Variants in RTN4 observed in about 807,000 individuals in gnomAD.
The protein encoded by RTN4 is reticulon 4.
RTN4 carries 32 observed loss-of-function variants against 90.4 expected under a neutral mutation model. The ratio of observed to expected loss-of-function variants is 0.35; its 90% CI spans 0.27 to 0.48. The LOEUF (loss-of-function observed/expected upper bound fraction) is 0.48, where lower values mean the gene tolerates loss of function less well. RTN4 is among the 20% of genes least tolerant of loss of function. RTN4 has a pLI of 0.99. For missense variants in RTN4, 1,706 were observed against 1,430.2 expected, an observed-to-expected ratio of 1.19 and a Z score of -3.11; for synonymous variants, 629 against 552.5, an observed-to-expected ratio of 1.14 and a Z score of -1.94.
exon 2 of RTN4, chr2:55,080,611 A>G (rs1413809659): frequency 6.6e-6 from 1 of 152,154 alleles, no homozygotes; most frequent in Admixed American, 6.5e-5. Flanking sequence ...CATATCCAGA[A>G]TAGTCTTGTT....
intron 7 of RTN4, 83 bp from the exon 8 acceptor site, chr2:54,973,704 A>G (rs1415701862): frequency 6.7e-7 from 1 of 1,492,116 alleles, no homozygotes; most frequent in Non-Finnish European, 9.3e-7. Flanking sequence ...AAGGCTTAAG[A>G]AACCATCACA....
intron 2 of RTN4, among the ~76,000 whole-genome samples, chr2:55,079,256 G>T (rs140332468): frequency 6.6e-6 from 1 of 152,216 alleles, no homozygotes; most frequent in Non-Finnish European, 1.5e-5. Context: ...GAAGCAAAAA[G>T]TTATAACAGT....
chr2:55,080,910 T>A (rs1232059605), intron 1 of RTN4, among the ~76,000 whole-genome samples: 1 of 152,248 alleles, frequency 6.6e-6, no homozygotes, highest in African/African-American at 2.4e-5. Flanking sequence ...GCGCAATCTT[T>A]ATCTTTTGAA....
At chr2:55,077,756 T>TACACAC (rs200121610) in intron 2 of RTN4, among the ~76,000 whole-genome samples, 19,031 of 144,292 alleles carry the variant, frequency 0.13, 1,356 homozygotes, top group Non-Finnish European at 0.16. Context: ...AAATGTTTTA[T>TACACAC]ACACACACAC....
the RTN4 span, among the ~76,000 whole-genome samples, chr2:55,118,586 G>A: frequency 5.3e-5 from 8 of 150,004 alleles, no homozygotes; most frequent in African/African-American, 1.7e-4. Flanking sequence ...AATCCTCCCT[G>A]CCCCCCAAAA....
At chr2:54,988,209 C>T (rs962972826) in intron 3 of RTN4, among the ~76,000 whole-genome samples, 14 of 151,978 alleles carry the variant, frequency 9.2e-5, no homozygotes, top group African/African-American at 1.9e-4. Context: ...TCCAGCTACT[C>T]GGGAGGCTGA....
rs757786489 is a variant in RTN4, at chr2:55,026,739, T to C, written c.1360A>G (p.Ile454Val). 1.2e-6 allele frequency: 2 copies of C among 1,613,832 alleles called. No individual in the cohort carries two copies. The highest frequency in any genetic ancestry group is 2.7e-5 in the African/African-American group (2 of 74,918). The change falls in exon 3 of 9, where the codon ATA becomes GTA. Residue 454 changes from isoleucine to valine, a missense_variant. Ile to Val is a conservative substitution (Grantham distance 29, BLOSUM62 3). Coordinates refer to ENST00000337526, the MANE Select transcript of RTN4 (RefSeq NM_020532.5). ...ATATATGCTCCTGAACGATCCTTTA[T>C]ACCTTCTGGCGTACTGGGGAAAGAA... The part of the protein sequence containing the change: ...DTSFPSTPEG[I>V]KDRSGAYITC...
intron 3 of RTN4, among the ~76,000 whole-genome samples, chr2:54,988,978 T>A (rs887390079): frequency 5.3e-5 from 8 of 152,142 alleles, no homozygotes; most frequent in Non-Finnish European, 1.2e-4. Context: ...GAGAAAAAAA[T>A]TTATAGTAAA....
At chr2:55,062,255 C>A (rs756456758) in intron 2 of RTN4, among the ~76,000 whole-genome samples, 1 of 152,122 alleles carries the variant, frequency 6.6e-6, no homozygotes, top group Non-Finnish European at 1.5e-5. Flanking sequence ...TTCCGGTACA[C>A]CAAGGCAGGA....
At chr2:55,083,231 C>T (rs879698378) in intron 1 of RTN4, among the ~76,000 whole-genome samples, 1 of 152,180 alleles carries the variant, frequency 6.6e-6, no homozygotes, top group Non-Finnish European at 1.5e-5. Context: ...TGTGGTGGCT[C>T]ATGCCTGTAA....
chr2:54,979,567 A>G (rs1677952976), intron 5 of RTN4, among the ~76,000 whole-genome samples: 1 of 152,222 alleles, frequency 6.6e-6, no homozygotes, highest in Non-Finnish European at 1.5e-5. Flanking sequence ...AAACAAACAC[A>G]TGGAATCTGT....
At chr2:54,994,862 T>A (rs1279078163) in intron 3 of RTN4, among the ~76,000 whole-genome samples, 1 of 152,254 alleles carries the variant, frequency 6.6e-6, no homozygotes, top group Non-Finnish European at 1.5e-5. Context: ...TGAAATGACA[T>A]GTAACAGAAC....
At chr2:55,016,417 T>C (rs1681041633) in intron 3 of RTN4, among the ~76,000 whole-genome samples, 1 of 152,060 alleles carries the variant, frequency 6.6e-6, no homozygotes, top group African/African-American at 2.4e-5. Flanking sequence ...ACCCTGTCTC[T>C]ACTAAAAATA....
At chr2:55,071,081 TTTC>T (rs1213367812) in intron 2 of RTN4, among the ~76,000 whole-genome samples, 1 of 151,650 alleles carries the variant, frequency 6.6e-6, no homozygotes, top group African/African-American at 2.4e-5. Context: ...CTGCCTTTTT[TTTC>T]TTCTTTTTTT....
rs1283443665 is a variant in RTN4, at chr2:54,972,873, T to C, written c.*283A>G. Reference sequence around the variant, plus strand: ...CAAGACTATCTGCAACAAAGTAAAATATACAGGTTTTTTATTCCACCAGTG... The same window carrying C: ...CAAGACTATCTGCAACAAAGTAAAACATACAGGTTTTTTATTCCACCAGTG... On this transcript the variant is annotated 3_prime_UTR_variant, in exon 9 of 9. Coordinates refer to ENST00000337526, the MANE Select transcript of RTN4 (RefSeq NM_020532.5). The C allele has an allele frequency of 1.4e-5, 4 of 290,986 alleles. No homozygotes were observed. The highest frequency in any genetic ancestry group is 7.0e-5 in the African/African-American group (3 of 42,938). The allele number at this position is 290,986 out of a possible 1,614,324, so 18.0% of individuals were successfully genotyped here.
the RTN4 span, among the ~76,000 whole-genome samples, chr2:55,123,651 T>A: frequency 6.6e-6 from 1 of 151,770 alleles, no homozygotes; most frequent in South Asian, 2.1e-4. Context: ...TTATCACTTA[T>A]TATATTATAT....
intron 1 of RTN4, among the ~76,000 whole-genome samples, chr2:55,105,197 A>C (rs1437627319): frequency 8.1e-6 from 1 of 123,958 alleles, no homozygotes; most frequent in Non-Finnish European, 1.7e-5. Flanking sequence ...TGAATTACTC[A>C]TTGCCTTCCC....
Position 54,981,009 on chromosome 2 carries a change from C to T in RTN4, c.3360+1506G>A, listed in dbSNP as rs553355836. On this transcript the variant is annotated intron_variant, in intron 5 of 8. Transcript: ENST00000337526. ...AACCAAGCATGCCAAACAACATAAC[C>T]GTAATCTTTTTATTTACAGACTAAC... 3.3e-5 allele frequency among the ~76,000 whole-genome samples: 5 copies of T among 152,284 alleles called. No homozygotes were observed. In the South Asian group the frequency reaches 6.2e-4, roughly 19 times the overall value.
intron 3 of RTN4, chr2:55,010,366 A>G (rs968237469): frequency 2.3e-6 from 3 of 1,315,490 alleles, no homozygotes; most frequent in Admixed American, 3.3e-5. Context: ...CTTTCCTTCT[A>G]TCTGTTGATT....
Sources: allele counts gnomAD v4.1 joint callset (sites outside exome capture counted in the v4.1 genomes callset), GRCh38; gene constraint gnomAD v4.1.1; transcripts MANE v1.5; gene names NCBI Gene and HGNC (gene_info 2026-07-23, HGNC 2026-07-21).